RSBN1L: variants seen among roughly 807,000 people sequenced by gnomAD.
RSBN1L encodes the protein lysine-specific demethylase RSBN1L.
A neutral mutation model predicts 67.7 loss-of-function variants in RSBN1L; 30 were observed. That is an observed-to-expected ratio of 0.44 (90% CI 0.33 to 0.60). The LOEUF is 0.60. Among genes scored for constraint, RSBN1L ranks in the 20% least tolerant of loss-of-function variants. The probability of loss-of-function intolerance (pLI) is 0.02; values close to 1 mark genes in which losing one functional copy is unlikely to be tolerated. For missense variants in RSBN1L, 992 were observed against 1,031.7 expected, an observed-to-expected ratio of 0.96 and a Z score of 0.53; for synonymous variants, 433 against 387.0, an observed-to-expected ratio of 1.12 and a Z score of -1.39.
chr7:77,743,826 T>C (rs1263779547), intron 2 of RSBN1L, among the ~76,000 whole-genome samples: 4 of 152,126 alleles, frequency 2.6e-5, no homozygotes, highest in Non-Finnish European at 5.9e-5. Flanking sequence ...ATTACTGCCT[T>C]CTTTCCCTGA....
chr7:77,705,674 G>A (rs1584273393), intron 1 of RSBN1L, among the ~76,000 whole-genome samples: 1 of 151,110 alleles, frequency 6.6e-6, no homozygotes, highest in Non-Finnish European at 1.5e-5. Context: ...ACCATGCCCA[G>A]CTAATTTTTG....
chr7:77,782,110 C>G lies in RSBN1L; in HGVS notation c.*2942C>G, dbSNP rs1472026700. The G allele has an allele frequency of 2.0e-5, 3 of 152,068 alleles. No homozygotes were observed. Among genetic ancestry groups the G allele is most frequent in the Non-Finnish European group, 4.4e-5 (3 of 68,024 alleles). 9.4% of individuals were successfully genotyped at this position (152,068 alleles called of 1,614,324 possible). A position where few individuals can be genotyped will look rare whatever the true frequency, so the allele number is the denominator to read the frequency against. On this transcript the variant is annotated 3_prime_UTR_variant, in exon 8 of 8. Coordinates refer to ENST00000334955, the MANE Select transcript of RSBN1L (RefSeq NM_198467.3). ...TCTTATGGGTTATAATTTTCACATC[C>G]TCTTCAGATACAATCTGAGAACTTG...
chr7:77,734,747 C>G (rs1054716116), intron 1 of RSBN1L, among the ~76,000 whole-genome samples: 1 of 152,066 alleles, frequency 6.6e-6, no homozygotes, highest in Non-Finnish European at 1.5e-5. Flanking sequence ...CTTCGGCTTC[C>G]CAAAGTGCTG....
chr7:77,777,150 A>G (rs1410680081), intron 6 of RSBN1L, among the ~76,000 whole-genome samples: 1 of 151,812 alleles, frequency 6.6e-6, no homozygotes, highest in Non-Finnish European at 1.5e-5. Context: ...TTTCAATAGT[A>G]TACTTCCATT....
Position 77,724,728 on chromosome 7 carries a change from G to A in RSBN1L, c.587-11682G>A, listed in dbSNP as rs1385592203. On this transcript the variant is annotated intron_variant, in intron 1 of 7. Coordinates refer to ENST00000334955, the MANE Select transcript of RSBN1L (RefSeq NM_198467.3). ...GACATGGGCCACTGCGCCCGGCCAT[G>A]AATCCCTTTCTATTGTAGAAGTTTC... 4.8e-5 allele frequency among the ~76,000 whole-genome samples: 7 copies of A among 147,086 alleles called. No homozygotes were observed. The East Asian group carries it at 6.3e-4, about 13-fold the overall frequency.
chr7:77,728,053 C>T (rs1457446986), intron 1 of RSBN1L, among the ~76,000 whole-genome samples: 1 of 152,076 alleles, frequency 6.6e-6, no homozygotes, highest in Non-Finnish European at 1.5e-5. Context: ...TTAAGAGCTC[C>T]ATTCTTGTAC....
chr7:77,778,255 A>G lies in RSBN1L; in HGVS notation c.1794-83A>G, dbSNP rs1483188783. 9 of 870,096 alleles carry G rather than the reference A, an allele frequency of 1.0e-5. No homozygotes were observed. In the Middle Eastern group the frequency reaches 7.5e-4, roughly 73 times the overall value. The allele number at this position is 870,096 out of a possible 1,614,324, so 53.9% of individuals were successfully genotyped here. On this transcript the variant is annotated intron_variant, in intron 6 of 7. Coordinates refer to ENST00000334955, the MANE Select transcript of RSBN1L (RefSeq NM_198467.3). ...GACAGTACTATGGTATTGACCATAA[A>G]GTATTTTTGCTTTGAGTTTAATAAG...
In RSBN1L at chr7:77,782,631, T is replaced by C. The variant is rs1449842730; in HGVS notation, c.*3463T>C. On this transcript the variant is annotated 3_prime_UTR_variant, in exon 8 of 8. Coordinates refer to ENST00000334955, the MANE Select transcript of RSBN1L (RefSeq NM_198467.3). ...CTGTATTTGTGTGTGTGCATGTGCCTGTTTTTGTGTGTGTATGTTTGTGGG... is the reference window on the plus strand; with the variant it reads ...CTGTATTTGTGTGTGTGCATGTGCCCGTTTTTGTGTGTGTATGTTTGTGGG... 2 of 152,234 alleles carry C rather than the reference T, an allele frequency of 1.3e-5. No homozygotes were observed. Among genetic ancestry groups the C allele is most frequent in the Non-Finnish European group, 2.9e-5 (2 of 68,042 alleles). 9.4% of individuals were successfully genotyped at this position (152,234 alleles called of 1,614,324 possible).
intron 1 of RSBN1L, among the ~76,000 whole-genome samples, chr7:77,700,152 T>C (rs1472976587): frequency 6.6e-6 from 1 of 152,138 alleles, no homozygotes; most frequent in African/African-American, 2.4e-5. Context: ...ACGGAGGTAA[T>C]TTACTGGAGA....
chr7:77,708,120 G>A (rs1355560557), intron 1 of RSBN1L, among the ~76,000 whole-genome samples: 4 of 152,138 alleles, frequency 2.6e-5, no homozygotes, highest in Non-Finnish European at 5.9e-5. Flanking sequence ...CGTACTTTGC[G>A]TTGTGAGACT....
chr7:77,728,346 T>G (rs1766617344), intron 1 of RSBN1L, among the ~76,000 whole-genome samples: 2 of 152,278 alleles, frequency 1.3e-5, no homozygotes, highest in Admixed American at 1.3e-4. Context: ...TTCGCAATTT[T>G]GAAGGCATTG....
intron 3 of RSBN1L, among the ~76,000 whole-genome samples, chr7:77,762,382 GT>G (rs1425175732): frequency 6.6e-6 from 1 of 151,988 alleles, no homozygotes; most frequent in African/African-American, 2.4e-5. Flanking sequence ...GGAAAAATCG[GT>G]TTTTGATTTA....
chr7:77,759,703 T>C (rs1022473299), intron 3 of RSBN1L: 1 of 152,218 alleles, frequency 6.6e-6, no homozygotes, highest in Non-Finnish European at 1.5e-5. Flanking sequence ...GCTAAAAATA[T>C]CTGTATCTCC....
intron 1 of RSBN1L, among the ~76,000 whole-genome samples, chr7:77,710,916 G>A (rs980589953): frequency 2.0e-5 from 3 of 151,986 alleles, no homozygotes; most frequent in Non-Finnish European, 4.4e-5. Context: ...TTAGTAACTC[G>A]TTTGTCATCT....
At chr7:77,714,363 C>T (rs914436534) in intron 1 of RSBN1L, among the ~76,000 whole-genome samples, 2 of 152,342 alleles carry the variant, frequency 1.3e-5, no homozygotes, top group African/African-American at 2.4e-5. Context: ...TCTTGCTACT[C>T]AGTGCTCTCC....
chr7:77,749,834 C>T lies in RSBN1L; in HGVS notation c.1114C>T (p.Leu372=), dbSNP rs1295377133. The change falls in exon 3 of 8, where the codon CTG becomes TTG. Residue 372 remains leucine, a synonymous_variant. Coordinates refer to ENST00000334955, the MANE Select transcript of RSBN1L (RefSeq NM_198467.3). ...IHAYSNELSH[L]SPMEMERFAE... is the part of the protein sequence containing the mutation. ...TGCCTACAGTAACGAACTCTCCCAC[C>T]TGTCTCCTATGGAGATGGAGAGGTT... 1.2e-6 allele frequency: 2 copies of T among 1,614,148 alleles called. No individual in the cohort carries two copies. Among genetic ancestry groups the T allele is most frequent in the Non-Finnish European group, 8.5e-7 (1 of 1,179,992 alleles).
At chr7:77,761,435 C>T (rs976699279) in intron 3 of RSBN1L, among the ~76,000 whole-genome samples, 5 of 152,110 alleles carry the variant, frequency 3.3e-5, no homozygotes, top group African/African-American at 9.7e-5. Flanking sequence ...TCCACCTCAC[C>T]GCCCTTGAGT....
rs911664105 is a variant in RSBN1L at position 77,712,971 on chromosome 7, A to G, written c.586+15916A>G. On this transcript the variant is annotated intron_variant, in intron 1 of 7. Transcript: ENST00000334955. Reference sequence around the variant, plus strand: ...AACAATTTGCTGTCTCACTTGCATTATATATGAGACTGTCCATTTTTTACA... The same window carrying G: ...AACAATTTGCTGTCTCACTTGCATTGTATATGAGACTGTCCATTTTTTACA... 3.9e-5 allele frequency among the ~76,000 whole-genome samples: 6 copies of G among 152,324 alleles called. No individual in the cohort carries two copies. The South Asian group carries it at 1.0e-3, about 26-fold the overall frequency.
intron 1 of RSBN1L, among the ~76,000 whole-genome samples, chr7:77,728,482 G>GTC (rs927592537): frequency 6.6e-6 from 1 of 152,038 alleles, no homozygotes; most frequent in African/African-American, 2.4e-5. Context: ...ATTTTAAAAA[G>GTC]TCACGAGGGC....
Sources: gnomAD v4.1 joint callset for allele counts (sites outside exome capture counted in the v4.1 genomes callset) on GRCh38, gnomAD v4.1.1 for gene constraint, MANE v1.5 for transcripts, NCBI Gene and HGNC (gene_info 2026-07-23, HGNC 2026-07-21) for gene names.